HNRNPA3: variants seen among roughly 807,000 people sequenced by gnomAD.
HNRNPA3 encodes epididymis secretory sperm binding protein.
A neutral mutation model predicts 45.8 loss-of-function variants in HNRNPA3; 3 were observed. That is an observed-to-expected ratio of 0.07 (90% CI 0.03 to 0.17). HNRNPA3 has a LOEUF of 0.17. Among genes scored for constraint, HNRNPA3 ranks in the 10% least tolerant of loss-of-function variants. The pLI is 1.00. For missense variants in HNRNPA3, 183 were observed against 480.3 expected, an observed-to-expected ratio of 0.38 and a Z score of 5.79; for synonymous variants, 170 against 155.6, an observed-to-expected ratio of 1.09 and a Z score of -0.69.
chr2:177,216,499 T>A lies in HNRNPA3; in HGVS notation c.554-4T>A, dbSNP rs564160956. The A allele has an allele frequency of 6.2e-7, 1 of 1,608,792 alleles. No individual in the cohort carries two copies. Among genetic ancestry groups the A allele is most frequent in the African/African-American group, 1.3e-5 (1 of 74,842 alleles). On this transcript the variant is annotated splice_polypyrimidine_tract_variant and splice_region_variant and intron_variant, in intron 4 of 10. Transcript: ENST00000392524. The stretch of plus-strand genomic sequence containing the variant: ...TTGTTTTGTTTGATTGAAAAAAAAT[T>A]TAGTTCAGAAATACCACACTATTAA...
intron 4 of HNRNPA3, 125 bp from the exon 5 acceptor site, chr2:177,216,378 T>A: frequency 1.3e-6 from 1 of 752,906 alleles, no homozygotes; most frequent in South Asian, 1.8e-5. Context: ...AGAATGCTCC[T>A]TCATTACCAG....
chr2:177,216,808 C>T, intron 6 of HNRNPA3, 37 bp downstream of exon 6: 2 of 1,613,528 alleles, frequency 1.2e-6, no homozygotes, highest in Non-Finnish European at 1.7e-6. Flanking sequence ...GGATACCTGA[C>T]ATTTTGGTAA....
At position 177,215,967 on chromosome 2, in the gene HNRNPA3, T is replaced by C. The variant is rs1268944150; in HGVS notation, c.343-11T>C. 1.9e-6 allele frequency: 3 copies of C among 1,601,654 alleles called. No homozygotes were observed. The African/African-American group carries it at 4.1e-5, about 22-fold the overall frequency. On this transcript the variant is annotated splice_polypyrimidine_tract_variant and intron_variant, in intron 3 of 10. Coordinates refer to ENST00000392524, the Ensembl canonical transcript of HNRNPA3. Reference sequence around the variant, plus strand: ...TTTGTTTCTTGACTTAATATATTACTTTATTTGTAGGATTCTGTAAAGCCT... The same window carrying C: ...TTTGTTTCTTGACTTAATATATTACCTTATTTGTAGGATTCTGTAAAGCCT...
chr2:177,217,811 T>C (rs1574243644), exon 8 of HNRNPA3: 2 of 1,601,030 alleles, frequency 1.2e-6, no homozygotes, highest in East Asian at 4.5e-5. Flanking sequence ...GTGGAGGATA[T>C]GATGGTTACA....
chr2:177,220,183 T>C (rs1689128322), downstream of HNRNPA3: 1 of 152,662 alleles, frequency 6.6e-6, no homozygotes, highest in Non-Finnish European at 1.5e-5. Context: ...GATTTTAGTG[T>C]GTTAGACTTG....
At chr2:177,223,211 G>T (rs1042321802), downstream of HNRNPA3, 4 of 152,072 alleles carry the variant, frequency 2.6e-5, no homozygotes, top group Non-Finnish European at 4.4e-5. Flanking sequence ...ATTTCTACGC[G>T]TGTTGAATAA....
chr2:177,215,684 G>C, intron 2 of HNRNPA3, 23 bp downstream of exon 2: 1 of 1,613,584 alleles, frequency 6.2e-7, no homozygotes, highest in Non-Finnish European at 8.5e-7. Flanking sequence ...GAGAACAGAA[G>C]GGTTCTAAGG....
At chr2:177,218,164 C>T (rs1171519922) in intron 8 of HNRNPA3, among the ~76,000 whole-genome samples, 1 of 148,582 alleles carries the variant, frequency 6.7e-6, no homozygotes. Context: ...CGGGTTCATG[C>T]GATTCTCCTG....
chr2:177,213,050 G>A (rs1407663230), intron 1 of HNRNPA3, among the ~76,000 whole-genome samples, 179 bp downstream of exon 1: 1 of 152,184 alleles, frequency 6.6e-6, no homozygotes, highest in East Asian at 1.9e-4. Context: ...CGCCCGCCTC[G>A]CCTTCACCTT....
intron 8 of HNRNPA3, 133 bp from the exon 9 acceptor site, chr2:177,218,904 C>A: frequency 2.9e-6 from 3 of 1,050,564 alleles, no homozygotes; most frequent in South Asian, 1.7e-5. Flanking sequence ...ACATCAGTTA[C>A]CCCAAGTGGT....
rs1689098206 is a variant in HNRNPA3, at chr2:177,219,543, G to A, written c.*151G>A. 2.1e-5 allele frequency: 9 copies of A among 425,724 alleles called. No individual in the cohort carries two copies. In the East Asian group the frequency reaches 3.4e-4, roughly 16 times the overall value. 26.4% of individuals were successfully genotyped at this position (425,724 alleles called of 1,614,324 possible). On this transcript the variant is annotated 3_prime_UTR_variant, in exon 11 of 11. Coordinates refer to ENST00000392524, the Ensembl canonical transcript of HNRNPA3. ...GGAACGATGATCCATAGTCAGAAAAGTTACTGCAGCTTAAACAGGAAACCC... is the reference window on the plus strand; with the variant it reads ...GGAACGATGATCCATAGTCAGAAAAATTACTGCAGCTTAAACAGGAAACCC...
chr2:177,219,293 G>A (rs774853440), exon 10 of HNRNPA3: 2 of 1,613,242 alleles, frequency 1.2e-6, no homozygotes, highest in South Asian at 2.2e-5. Context: ...GTAGCAGAAG[G>A]TTCTAAAAAC....
chr2:177,212,903 A>G (rs1399178590), intron 1 of HNRNPA3, 32 bp downstream of exon 1: 12 of 1,355,170 alleles, frequency 8.9e-6, no homozygotes, highest in Non-Finnish European at 9.9e-6. Flanking sequence ...GTTGGTGGGG[A>G]ATGGCCGGCG....
chr2:177,214,136 A>G (rs1217138465), intron 1 of HNRNPA3, among the ~76,000 whole-genome samples: 1 of 152,246 alleles, frequency 6.6e-6, no homozygotes, highest in Non-Finnish European at 1.5e-5. Context: ...AGTTCATGCA[A>G]TGTGTTAAAA....
chr2:177,214,423 A>G (rs1293281425), intron 1 of HNRNPA3, among the ~76,000 whole-genome samples: 1 of 152,138 alleles, frequency 6.6e-6, no homozygotes, highest in Non-Finnish European at 1.5e-5. Context: ...CCTGTTTTAA[A>G]TTAATTTGCT....
chr2:177,214,135 A>C (rs1688817744), intron 1 of HNRNPA3, among the ~76,000 whole-genome samples: 1 of 152,224 alleles, frequency 6.6e-6, no homozygotes, highest in Non-Finnish European at 1.5e-5. Context: ...CAGTTCATGC[A>C]ATGTGTTAAA....
At chr2:177,218,693 G>A (rs1219844406) in intron 8 of HNRNPA3, among the ~76,000 whole-genome samples, 1 of 152,144 alleles carries the variant, frequency 6.6e-6, no homozygotes, top group African/African-American at 2.4e-5. Context: ...TGTTTTATTG[G>A]ACCTAATTAA....
downstream of HNRNPA3, chr2:177,222,856 C>G (rs537682738): frequency 6.5e-5 from 10 of 152,690 alleles, no homozygotes; most frequent in Admixed American, 3.3e-4. Flanking sequence ...CATTTAAATT[C>G]AGGGAATTCA....
Position 177,212,893 on chromosome 2 carries a change from G to T in HNRNPA3, c.72+22G>T, listed in dbSNP as rs768893249. ...GGAGGTATTAGGGGGAGAGCGGGGG[G>T]TTGGTGGGGAATGGCCGGCGTTGGG... On this transcript the variant is annotated intron_variant, in intron 1 of 10. Coordinates refer to ENST00000392524, the Ensembl canonical transcript of HNRNPA3. 3.5e-6 allele frequency: 5 copies of T among 1,423,150 alleles called. No homozygotes were observed. The African/African-American group carries it at 4.4e-5, about 13-fold the overall frequency. The allele number at this position is 1,423,150 out of a possible 1,614,324, so 88.2% of individuals were successfully genotyped here. A position where few individuals can be genotyped will look rare whatever the true frequency, so the allele number is the denominator to read the frequency against.
Sources: gnomAD v4.1 joint callset for allele counts (sites outside exome capture counted in the v4.1 genomes callset) on GRCh38, gnomAD v4.1.1 for gene constraint, MANE v1.5 for transcripts, NCBI Gene and HGNC (gene_info 2026-07-23, HGNC 2026-07-21) for gene names.